Variants in SPIRE2 observed in about 807,000 individuals in gnomAD.
SPIRE2 encodes the protein spire type actin nucleation factor 2.
Under a neutral mutation model 80.7 loss-of-function variants are expected in SPIRE2, and 76 were observed. The observed-to-expected ratio is 0.94, with a 90% CI of 0.78 to 1.14. The LOEUF (loss-of-function observed/expected upper bound fraction) is 1.14. Ranked by LOEUF, SPIRE2 falls within the 50% of genes most tolerant of loss-of-function variation. SPIRE2 has a pLI of 0.00. For missense variants in SPIRE2, 1,196 were observed against 1,015.3 expected (o/e 1.18, Z -2.42); for synonymous variants, 535 against 432.6 (o/e 1.24, Z -2.94).
intron 13 of SPIRE2, among the ~76,000 whole-genome samples, chr16:89,869,007 G>A (rs2041812537): frequency 9.3e-6 from 1 of 107,578 alleles, no homozygotes; most frequent in Non-Finnish European, 1.8e-5. Context: ...CTCCAGCCTG[G>A]GCAATAGAGC....
intron 1 of SPIRE2, among the ~76,000 whole-genome samples, chr16:89,841,636 G>A (rs777682909): frequency 4.6e-5 from 7 of 152,140 alleles, no homozygotes; most frequent in Non-Finnish European, 8.8e-5. Context: ...TTCCTCATCT[G>A]TAACGAGGAA....
Position 89,863,448 on chromosome 16 carries a change from A to G in SPIRE2, c.1576-28A>G, listed in dbSNP as rs778555951. 8 of 1,613,394 alleles carry G rather than the reference A, an allele frequency of 5.0e-6. No individual in the cohort carries two copies. Among genetic ancestry groups the G allele is most frequent in the Non-Finnish European group, 6.8e-6 (8 of 1,179,810 alleles). ...AAGCTAGGGGAGCCTCCTGCATAGA[A>G]GACTTCCTACCTGAGGCCGTCCCCT... On this transcript the variant is annotated intron_variant, in intron 10 of 14. Coordinates refer to ENST00000378247, the MANE Select transcript of SPIRE2 (RefSeq NM_032451.2). The surrounding 1 kb of genome is among the most constrained non-coding windows in gnomAD (Gnocchi z 4.3).
intron 1 of SPIRE2, chr16:89,836,374 G>A: frequency 2.5e-6 from 1 of 394,204 alleles, no homozygotes; most frequent in South Asian, 1.7e-5. Flanking sequence ...GCGGACCGGG[G>A]GCCGAGAATC....
At chr16:89,858,556 G>T (rs764613957) in intron 8 of SPIRE2, 49 bp downstream of exon 8, 4 of 1,489,596 alleles carry the variant, frequency 2.7e-6, no homozygotes, top group Non-Finnish European at 2.7e-6. Context: ...TGGGAGGATG[G>T]GGGCCAAGGA....
intron 10 of SPIRE2, among the ~76,000 whole-genome samples, chr16:89,861,780 G>A (rs764902836): frequency 2.6e-4 from 40 of 152,288 alleles, no homozygotes; most frequent in Non-Finnish European, 3.8e-4. Context: ...CTGTGAGCAG[G>A]AGGCGTGAGT....
chr16:89,854,563 AC>A lies in SPIRE2; in HGVS notation c.808del (p.Leu270SerfsTer13). The part of the protein sequence containing the change: ...KLKKVQEQEF[N>X]PLPTEFQLTP... Reference sequence around the variant, plus strand: ...AAGAAGGTGCAAGAGCAGGAGTTCAACCCCCTCCCCACCGAGTTCCAGCTCA... The same window carrying A: ...AAGAAGGTGCAAGAGCAGGAGTTCAACCCCTCCCCACCGAGTTCCAGCTCA... On this transcript the variant is annotated frameshift_variant, in exon 5 of 15. Coordinates refer to ENST00000378247, the MANE Select transcript of SPIRE2 (RefSeq NM_032451.2). LOFTEE classifies it high-confidence loss of function. The A allele has an allele frequency of 6.2e-7, 1 of 1,612,492 alleles. No individual in the cohort carries two copies. The highest frequency in any genetic ancestry group is 8.5e-7 in the Non-Finnish European group (1 of 1,179,908).
intron 10 of SPIRE2, chr16:89,861,836 G>C (rs1039428244): frequency 1.3e-5 from 2 of 152,258 alleles, no homozygotes; most frequent in African/African-American, 4.8e-5. Context: ...GATCCCCACA[G>C]CGTGGTGGCT....
Position 89,868,414 on chromosome 16 carries a change from G to A in SPIRE2, c.1806+198G>A, listed in dbSNP as rs577500167. ...AGGTTTTTGTTTTTAAACATTGCACGTTAGTAGCCTCGTGCCAAAAAACCC... is the reference window on the plus strand; with the variant it reads ...AGGTTTTTGTTTTTAAACATTGCACATTAGTAGCCTCGTGCCAAAAAACCC... On this transcript the variant is annotated intron_variant, in intron 13 of 14. Transcript: ENST00000378247. 7.9e-5 allele frequency among the ~76,000 whole-genome samples: 12 copies of A among 152,300 alleles called. No individual in the cohort carries two copies. In the South Asian group the frequency reaches 1.7e-3, roughly 21 times the overall value.
rs146839932 is a variant in SPIRE2 at position 89,860,696 on chromosome 16, G to C, written c.1476G>C (p.Ala492=). ...GCTCTCCCCCAGGTACCTGTCCCGCGAGTGTCTCTGACCCCAGCCACCCCC... is the reference window on the plus strand; with the variant it reads ...GCTCTCCCCCAGGTACCTGTCCCGCCAGTGTCTCTGACCCCAGCCACCCCC... ...PGSRDQGTCP[A]SVSDPSHPLL... is the part of the protein sequence containing the mutation. The change falls in exon 10 of 15, where the codon GCG becomes GCC. Residue 492 remains alanine, a synonymous_variant. Coordinates refer to ENST00000378247, the MANE Select transcript of SPIRE2 (RefSeq NM_032451.2). 1.9e-6 allele frequency: 3 copies of C among 1,591,214 alleles called. No individual in the cohort carries two copies. The highest frequency in any genetic ancestry group is 1.1e-5 in the South Asian group (1 of 87,648).
At chr16:89,869,259 G>A (rs940211896) in intron 13 of SPIRE2, among the ~76,000 whole-genome samples, 1 of 151,318 alleles carries the variant, frequency 6.6e-6, no homozygotes, top group African/African-American at 2.4e-5. Context: ...AAAAGGGAAA[G>A]TTCTTGCCCT....
At chr16:89,859,008 G>C (rs917627117) in intron 8 of SPIRE2, among the ~76,000 whole-genome samples, 157 bp from the exon 9 acceptor site, 1 of 152,140 alleles carries the variant, frequency 6.6e-6, no homozygotes, top group Admixed American at 6.5e-5. Context: ...TGCTTGCCAC[G>C]AACTGTCCAG....
At chr16:89,840,379 A>T (rs1289119399) in intron 1 of SPIRE2, among the ~76,000 whole-genome samples, 1 of 150,176 alleles carries the variant, frequency 6.7e-6, no homozygotes, top group Non-Finnish European at 1.5e-5. Flanking sequence ...CCTCCCGAAT[A>T]ACTGGGACTA....
Position 89,863,538 on chromosome 16 carries a change from T to G in SPIRE2, c.1638T>G (p.Arg546=). The G allele has an allele frequency of 1.2e-6, 2 of 1,613,982 alleles. No individual in the cohort carries two copies. Among genetic ancestry groups the G allele is most frequent in the Non-Finnish European group, 8.5e-7 (1 of 1,179,996 alleles). ...TGGAAGAGGTGATGGACGTGCGCCGTGTGCTGGTGAAGGCCGAGATGGAAA... is the reference window on the plus strand; with the variant it reads ...TGGAAGAGGTGATGGACGTGCGCCGGGTGCTGGTGAAGGCCGAGATGGAAA... ...LTVEEVMDVR[R]VLVKAEMEKF... The change falls in exon 11 of 15, where the codon CGT becomes CGG. Residue 546 remains arginine (R), a synonymous_variant. Coordinates refer to ENST00000378247, the MANE Select transcript of SPIRE2 (RefSeq NM_032451.2). The surrounding 1 kb of genome is among the most constrained non-coding windows in gnomAD (Gnocchi z 4.3).
intron 2 of SPIRE2, among the ~76,000 whole-genome samples, chr16:89,849,437 A>T (rs1047718271): frequency 6.6e-6 from 1 of 152,210 alleles, no homozygotes; most frequent in Admixed American, 6.5e-5. Flanking sequence ...ACAGCATCTG[A>T]CATAAGGAGT....
At chr16:89,861,064 G>T (rs2041740113) in intron 10 of SPIRE2, among the ~76,000 whole-genome samples, 1 of 152,198 alleles carries the variant, frequency 6.6e-6, no homozygotes. Context: ...GTTCAGTGTG[G>T]GGTTAGGGCA....
At position 89,855,623 on chromosome 16, in the gene SPIRE2, G is replaced by A. The variant is rs1196236788; in HGVS notation, c.915G>A (p.Arg305=). The change falls in exon 6 of 15, where the codon CGG becomes CGA. Residue 305 remains arginine, a synonymous_variant. Coordinates refer to ENST00000378247, the MANE Select transcript of SPIRE2 (RefSeq NM_032451.2). ...AGGTGGATGGGGACATCCCGCCCCGGGTGAAGAAGGACGCTCACGAGCTCA... is the reference window on the plus strand; with the variant it reads ...AGGTGGATGGGGACATCCCGCCCCGAGTGAAGAAGGACGCTCACGAGCTCA... ...KVMVDGDIPP[R]VKKDAHELIL... 1 of 1,612,774 alleles carries A rather than the reference G, an allele frequency of 6.2e-7. No homozygotes were observed. The highest frequency in any genetic ancestry group is 8.5e-7 in the Non-Finnish European group (1 of 1,179,916).
chr16:89,845,709 C>T lies in SPIRE2; in HGVS notation c.288+344C>T, dbSNP rs2041552692. 4 of 647,270 alleles carry T rather than the reference C, an allele frequency of 6.2e-6. No individual in the cohort carries two copies. In the South Asian group the frequency reaches 6.7e-5, roughly 11 times the overall value. 40.1% of individuals were successfully genotyped at this position (647,270 alleles called of 1,614,324 possible). Reference sequence around the variant, plus strand: ...GGGGTCAGGGAGACGACTTCAGGTGCAAACAGGAAAAATCAGCCTGGTGAC... The same window carrying T: ...GGGGTCAGGGAGACGACTTCAGGTGTAAACAGGAAAAATCAGCCTGGTGAC... On this transcript the variant is annotated intron_variant, in intron 2 of 14. Coordinates refer to ENST00000378247, the MANE Select transcript of SPIRE2 (RefSeq NM_032451.2).
intron 7 of SPIRE2, among the ~76,000 whole-genome samples, chr16:89,856,810 C>T (rs1184801128): frequency 6.6e-6 from 1 of 151,816 alleles, no homozygotes; most frequent in Non-Finnish European, 1.5e-5. Flanking sequence ...CTTGTAATCC[C>T]AGCATTTTGG....
intron 1 of SPIRE2, among the ~76,000 whole-genome samples, chr16:89,831,064 C>G (rs532528803): frequency 1.3e-5 from 2 of 150,568 alleles, no homozygotes; most frequent in South Asian, 4.2e-4. Flanking sequence ...CGCCCGCCAC[C>G]ACGCCCGGCT....
Sources: gnomAD v4.1 joint callset for allele counts (sites outside exome capture counted in the v4.1 genomes callset) on GRCh38, gnomAD v4.1.1 for gene constraint, Gnocchi (gnomAD v3.1) non-coding constraint, MANE v1.5 for transcripts, NCBI Gene and HGNC (gene_info 2026-07-23, HGNC 2026-07-21) for gene names.